The following DLGAP2 variants were observed in gnomAD, a reference collection of about 807,000 sequenced individuals.
The protein encoded by DLGAP2 is DLG associated protein 2, also known as disks large-associated protein 2.
DLGAP2 carries 26 observed loss-of-function variants against 100.3 expected under a neutral mutation model. The observed-to-expected ratio is 0.26, with a 90% CI of 0.19 to 0.36. The LOEUF (loss-of-function observed/expected upper bound fraction) is 0.36. Ranked by LOEUF, DLGAP2 falls within the 10% of genes least tolerant of loss-of-function variation. DLGAP2 has a pLI of 1.00. For missense variants in DLGAP2, 1,858 were observed against 1,453.2 expected (o/e 1.28, Z -4.53); for synonymous variants, 886 against 630.1 (o/e 1.41, Z -6.08).
At chr8:911,931 T>C (rs73536069) in intron 2 of DLGAP2, among the ~76,000 whole-genome samples, 1,680 of 152,338 alleles carry the variant, frequency 0.011, 37 homozygotes, top group African/African-American at 0.039. Context: ...CTTCCCTTGA[T>C]TATTAATGAC....
intron 3 of DLGAP2, among the ~76,000 whole-genome samples, chr8:1,437,691 C>A (rs371675208): frequency 2.6e-5 from 4 of 151,458 alleles, no homozygotes; most frequent in Non-Finnish European, 5.9e-5. Context: ...TAAATATCAC[C>A]GGCCGGTGGC....
intron 2 of DLGAP2, among the ~76,000 whole-genome samples, chr8:1,025,980 G>T (rs1284924338): frequency 6.6e-6 from 1 of 152,226 alleles, no homozygotes; most frequent in Non-Finnish European, 1.5e-5. Context: ...CAGCAGCAGG[G>T]CTGAGACGGT....
intron 6 of DLGAP2, among the ~76,000 whole-genome samples, chr8:1,603,772 G>A (rs1342297831): frequency 6.6e-6 from 1 of 152,182 alleles, no homozygotes; most frequent in African/African-American, 2.4e-5. Context: ...ATTTATCTAA[G>A]GGACTGGGGC....
intron 2 of DLGAP2, among the ~76,000 whole-genome samples, chr8:961,179 T>C (rs1402442808): frequency 6.6e-6 from 1 of 152,236 alleles, no homozygotes; most frequent in Non-Finnish European, 1.5e-5. Flanking sequence ...CTTCTTCATA[T>C]GTGGTCTGCG....
At chr8:1,100,544 A>G (rs992637560) in intron 2 of DLGAP2, among the ~76,000 whole-genome samples, 6 of 151,878 alleles carry the variant, frequency 4.0e-5, no homozygotes, top group African/African-American at 1.5e-4. Flanking sequence ...GCCTACCCAC[A>G]GTTTCAGGCA....
In DLGAP2 at chr8:1,549,080, G is replaced by T. The variant is rs760729156; in HGVS notation, c.627G>T (p.Thr209=). The change falls in exon 5 of 15, where the codon ACG becomes ACT. Residue 209 remains threonine, a synonymous_variant. Coordinates refer to ENST00000637795, the MANE Select transcript of DLGAP2 (RefSeq NM_001346810.2). The part of the protein sequence containing the change: ...QLPLHRDGFH[T]LQYQRTSAAA... ...CGCTGCACCGGGACGGCTTCCACACGCTGCAGTACCAGAGGACGTCCGCGG... is the reference window on the plus strand; with the variant it reads ...CGCTGCACCGGGACGGCTTCCACACTCTGCAGTACCAGAGGACGTCCGCGG... The T allele has an allele frequency of 1.9e-6, 3 of 1,587,146 alleles. No individual in the cohort carries two copies. Among genetic ancestry groups the T allele is most frequent in the Non-Finnish European group, 2.6e-6 (3 of 1,170,354 alleles).
intron 2 of DLGAP2, among the ~76,000 whole-genome samples, chr8:953,203 T>TC (rs928736303): frequency 4.6e-5 from 7 of 151,900 alleles, no homozygotes; most frequent in Non-Finnish European, 1.0e-4. Flanking sequence ...TTTTCTTTTT[T>TC]CTTTTTTTTG....
chr8:906,885 G>A (rs1175639300), intron 1 of DLGAP2, among the ~76,000 whole-genome samples: 2 of 152,174 alleles, frequency 1.3e-5, no homozygotes, highest in East Asian at 3.8e-4. Flanking sequence ...TTGAAAATTG[G>A]TGATACTGTC....
intron 1 of DLGAP2, among the ~76,000 whole-genome samples, chr8:802,736 G>C (rs1003797748): frequency 2.0e-5 from 3 of 152,136 alleles, no homozygotes; most frequent in Non-Finnish European, 4.4e-5. Flanking sequence ...GTAGGCCGTG[G>C]TCTCTCAGAC....
At chr8:1,696,801 G>A (rs553455137) in intron 13 of DLGAP2, among the ~76,000 whole-genome samples, 3 of 152,332 alleles carry the variant, frequency 2.0e-5, no homozygotes, top group African/African-American at 7.2e-5. Context: ...CAGGCTCACG[G>A]AGCCCTGTCC....
intron 2 of DLGAP2, among the ~76,000 whole-genome samples, chr8:1,068,856 CAAG>C (rs1803339204): frequency 6.6e-6 from 1 of 152,210 alleles, no homozygotes; most frequent in South Asian, 2.1e-4. Context: ...GCTTGTTTAT[CAAG>C]AAGATGCTTC....
At chr8:988,068 C>T (rs1800538692) in intron 2 of DLGAP2, among the ~76,000 whole-genome samples, 1 of 152,126 alleles carries the variant, frequency 6.6e-6, no homozygotes, top group African/African-American at 2.4e-5. Context: ...CTAAAGGGGC[C>T]TAGCATGGTT....
intron 1 of DLGAP2, among the ~76,000 whole-genome samples, chr8:792,856 T>C (rs1795945583): frequency 6.6e-6 from 1 of 152,350 alleles, no homozygotes; most frequent in Admixed American, 6.5e-5. Context: ...CTTGCTTCTA[T>C]TTATTGAAAG....
chr8:1,584,441 C>A (rs913976544), intron 6 of DLGAP2, among the ~76,000 whole-genome samples: 5 of 152,190 alleles, frequency 3.3e-5, no homozygotes, highest in African/African-American at 9.6e-5. Context: ...AAGCCATATG[C>A]TCCTGGGGAG....
intron 2 of DLGAP2, among the ~76,000 whole-genome samples, chr8:1,193,722 C>A (rs562669264): frequency 1.3e-5 from 2 of 152,224 alleles, no homozygotes; most frequent in South Asian, 4.2e-4. Context: ...ACCTGAGACT[C>A]CCGGACAGCA....
chr8:1,432,345 C>T (rs1273128325), intron 3 of DLGAP2, among the ~76,000 whole-genome samples: 2 of 152,108 alleles, frequency 1.3e-5, no homozygotes, highest in Non-Finnish European at 2.9e-5. Flanking sequence ...TTCTATGCAC[C>T]TTAAAAAAAT....
intron 1 of DLGAP2, among the ~76,000 whole-genome samples, chr8:878,637 G>A (rs1228705204): frequency 1.3e-5 from 2 of 152,180 alleles, no homozygotes; most frequent in Non-Finnish European, 2.9e-5. Context: ...GTTGAGTGGT[G>A]GGAGGTGTTT....
chr8:1,529,899 A>G (rs1355759328), intron 4 of DLGAP2, among the ~76,000 whole-genome samples: 6 of 152,338 alleles, frequency 3.9e-5, no homozygotes, highest in Admixed American at 3.9e-4. Flanking sequence ...GCACGTTTTT[A>G]TTAGGGAGTT....
chr8:1,497,387 C>A (rs1799579514), intron 3 of DLGAP2, among the ~76,000 whole-genome samples: 1 of 152,144 alleles, frequency 6.6e-6, no homozygotes, highest in African/African-American at 2.4e-5. Flanking sequence ...AGCTTACGGT[C>A]ACGTGATTTC....
Sources: gnomAD v4.1 joint callset for allele counts (sites outside exome capture counted in the v4.1 genomes callset) on GRCh38, gnomAD v4.1.1 for gene constraint, MANE v1.5 for transcripts, NCBI Gene and HGNC (gene_info 2026-07-23, HGNC 2026-07-21) for gene names.